The following ROBO1 variants were observed in gnomAD, a reference collection of about 807,000 sequenced individuals.
ROBO1 encodes the protein roundabout homolog 1.
Under a neutral mutation model 195.9 loss-of-function variants are expected in ROBO1, and 149 were observed. The observed-to-expected ratio is 0.76, with a 90% CI of 0.67 to 0.87. The LOEUF is 0.87. ROBO1 is among the 40% of genes least tolerant of loss of function. The probability of loss-of-function intolerance (pLI) is 0.00; values close to 1 mark genes in which losing one functional copy is unlikely to be tolerated. For synonymous variants in ROBO1, 816 were observed against 733.2 expected (o/e 1.11, Z -1.82); for missense variants, 1,933 against 2,068.3 (o/e 0.93, Z 1.27).
At chr3:79,629,166 C>A (rs1199429301) in intron 1 of ROBO1, among the ~76,000 whole-genome samples, 3 of 152,124 alleles carry the variant, frequency 2.0e-5, no homozygotes, top group Non-Finnish European at 2.9e-5. Flanking sequence ...TAGACATTTT[C>A]ACAACATTTC....
chr3:78,942,455 G>A (rs896416754), intron 3 of ROBO1, among the ~76,000 whole-genome samples: 9 of 152,102 alleles, frequency 5.9e-5, no homozygotes, highest in South Asian at 2.1e-4. Context: ...ACACAGGATG[G>A]AGGACAAGCA....
chr3:78,686,311 C>T (rs1050777349), intron 9 of ROBO1, among the ~76,000 whole-genome samples: 1 of 152,106 alleles, frequency 6.6e-6, no homozygotes, highest in Non-Finnish European at 1.5e-5. Flanking sequence ...CATCCCAGTG[C>T]TTTGGGAGGC....
At chr3:78,860,326 A>ATATATATTTTT (rs376853384) in intron 4 of ROBO1, among the ~76,000 whole-genome samples, 8 of 93,520 alleles carry the variant, frequency 8.6e-5, no homozygotes, top group African/African-American at 1.3e-4. Context: ...ATATATATAT[A>ATATATATTTTT]TTTTTTTTTT....
chr3:79,762,518 T>G (rs1704759158), intron 1 of ROBO1, among the ~76,000 whole-genome samples: 1 of 151,490 alleles, frequency 6.6e-6, no homozygotes, highest in Non-Finnish European at 1.5e-5. Flanking sequence ...AACATGAAGG[T>G]CTTCACAGAA....
intron 8 of ROBO1, among the ~76,000 whole-genome samples, chr3:78,701,998 G>T (rs11925970): frequency 0.3 from 45,842 of 152,026 alleles, 7,565 homozygotes; most frequent in African/African-American, 0.45. Context: ...TTAATCAGTT[G>T]TGCAAACCTT....
chr3:79,637,577 G>C (rs1373304853), intron 1 of ROBO1, among the ~76,000 whole-genome samples: 1 of 152,020 alleles, frequency 6.6e-6, no homozygotes, highest in Non-Finnish European at 1.5e-5. Context: ...CCTTTATGGT[G>C]ATGTAATCGT....
At chr3:79,409,589 G>A (rs752183354) in intron 2 of ROBO1, among the ~76,000 whole-genome samples, 1 of 152,126 alleles carries the variant, frequency 6.6e-6, no homozygotes, top group Non-Finnish European at 1.5e-5. Flanking sequence ...AGTTGAGAAT[G>A]TCTCAGTAAA....
intron 2 of ROBO1, among the ~76,000 whole-genome samples, chr3:79,298,421 T>G (rs1490600847): frequency 6.6e-6 from 1 of 152,146 alleles, no homozygotes; most frequent in African/African-American, 2.4e-5. Context: ...ATGCCTCCCC[T>G]CAGGAGGCAG....
chr3:79,324,973 T>C (rs537031847), intron 2 of ROBO1, among the ~76,000 whole-genome samples: 42 of 152,192 alleles, frequency 2.8e-4, no homozygotes, highest in Non-Finnish European at 5.4e-4. Flanking sequence ...GCAGTGTACA[T>C]GCAGAGCATG....
intron 1 of ROBO1, among the ~76,000 whole-genome samples, chr3:79,704,289 T>C (rs1020037145): frequency 1.3e-5 from 2 of 152,000 alleles, no homozygotes; most frequent in South Asian, 2.1e-4. Context: ...TCCACCCTTG[T>C]AGTATCACAT....
chr3:79,424,623 TCTTA>T (rs1346517729), intron 2 of ROBO1, among the ~76,000 whole-genome samples: 2 of 152,104 alleles, frequency 1.3e-5, no homozygotes, highest in East Asian at 3.9e-4. Context: ...GTCATTCTTC[TCTTA>T]CTTTTTCATG....
chr3:79,297,476 C>G (rs2032656107), intron 2 of ROBO1, among the ~76,000 whole-genome samples: 1 of 152,130 alleles, frequency 6.6e-6, no homozygotes, highest in Non-Finnish European at 1.5e-5. Context: ...CAGTAAGTAT[C>G]ATGGTATGTA....
intron 2 of ROBO1, among the ~76,000 whole-genome samples, chr3:79,217,791 T>A (rs549953338): frequency 1.1e-4 from 17 of 152,076 alleles, no homozygotes; most frequent in African/African-American, 4.1e-4. Context: ...TTCTACCATA[T>A]TAAGTTTTTG....
chr3:79,022,736 T>C (rs1382551037), intron 3 of ROBO1, among the ~76,000 whole-genome samples: 2 of 152,190 alleles, frequency 1.3e-5, no homozygotes. Flanking sequence ...GAATGAATCG[T>C]GGGTTCTAAA....
At chr3:78,654,393 A>C (rs1391562638) in intron 18 of ROBO1, among the ~76,000 whole-genome samples, 1 of 152,232 alleles carries the variant, frequency 6.6e-6, no homozygotes, top group Admixed American at 6.5e-5. Flanking sequence ...TTGTTGAATG[A>C]AAGTTTTATT....
At chr3:78,954,409 G>A (rs1390368404) in intron 3 of ROBO1, among the ~76,000 whole-genome samples, 2 of 152,144 alleles carry the variant, frequency 1.3e-5, no homozygotes, top group East Asian at 3.9e-4. Context: ...TGGGTAGCCA[G>A]AGTATAGATT....
chr3:79,284,730 CACTT>C (rs1354980761), intron 2 of ROBO1, among the ~76,000 whole-genome samples: 4 of 152,096 alleles, frequency 2.6e-5, no homozygotes, highest in Non-Finnish European at 4.4e-5. Flanking sequence ...TCTAACATAT[CACTT>C]AGTTACACTT....
At chr3:78,912,063 G>A (rs1309581477) in intron 4 of ROBO1, among the ~76,000 whole-genome samples, 1 of 152,136 alleles carries the variant, frequency 6.6e-6, no homozygotes, top group East Asian at 1.9e-4. Flanking sequence ...TGGAGAATAT[G>A]CAACACAGGG....
intron 4 of ROBO1, among the ~76,000 whole-genome samples, chr3:78,865,814 T>C (rs2035141735): frequency 6.6e-6 from 1 of 152,176 alleles, no homozygotes; most frequent in South Asian, 2.1e-4. Flanking sequence ...TATTGTCTTG[T>C]ATAATACAGT....
Sources: allele counts gnomAD v4.1 joint callset (sites outside exome capture counted in the v4.1 genomes callset), GRCh38; gene constraint gnomAD v4.1.1; transcripts MANE v1.5; gene names NCBI Gene and HGNC (gene_info 2026-07-23, HGNC 2026-07-21).